ATP8A2: variants seen among roughly 807,000 people sequenced by gnomAD.
The protein encoded by ATP8A2 is phospholipid-transporting ATPase IB.
A neutral mutation model predicts 165.6 loss-of-function variants in ATP8A2; 100 were observed. The observed-to-expected ratio is 0.60, with a 90% CI of 0.51 to 0.71. ATP8A2 has a LOEUF of 0.71. Ranked by LOEUF, ATP8A2 falls within the 30% of genes least tolerant of loss-of-function variation. ATP8A2 has a pLI of 0.00. For missense variants in ATP8A2, 1,227 were observed against 1,479.5 expected (o/e 0.83, Z 2.80); for synonymous variants, 543 against 548.8 (o/e 0.99, Z 0.15).
At chr13:25,844,526 G>T (rs1951816397) in intron 30 of ATP8A2, among the ~76,000 whole-genome samples, 1 of 152,104 alleles carries the variant, frequency 6.6e-6, no homozygotes, top group South Asian at 2.1e-4. Context: ...AATGCACCTG[G>T]CCTTATTACA....
At chr13:25,963,416 GAAAAGA>G (rs201616770) in intron 34 of ATP8A2, among the ~76,000 whole-genome samples, 66 of 148,052 alleles carry the variant, frequency 4.5e-4, no homozygotes, top group Non-Finnish European at 6.6e-4. Flanking sequence ...AAAAAGAAAA[GAAAAGA>G]AAAAGAAAAA....
chr13:26,024,712 C>T lies in ATP8A2; in HGVS notation c.*4727C>T, dbSNP rs1390191629. The T allele has an allele frequency of 5.9e-5, 9 of 152,192 alleles. No individual in the cohort carries two copies. Among genetic ancestry groups the T allele is most frequent in the Non-Finnish European group, 5.9e-5 (4 of 68,040 alleles). The allele number at this position is 152,192 out of a possible 1,614,324, so 9.4% of individuals were successfully genotyped here. A position where few individuals can be genotyped will look rare whatever the true frequency, so the allele number is the denominator to read the frequency against. ...GGGCTCTAGTTGCCTTTGAGATATC[C>T]ACTCTGCTCTTTCTCCCAGGCCTCA... On this transcript the variant is annotated 3_prime_UTR_variant, in exon 37 of 37. Transcript: ENST00000381655.
In ATP8A2 at chr13:25,580,527, C is replaced by CT. The variant is rs948166618; in HGVS notation, c.2007+590dup. Among the ~76,000 whole-genome samples, 26 of 150,030 alleles carry CT rather than the reference C, an allele frequency of 1.7e-4. No homozygotes were observed. In the East Asian group the frequency reaches 2.1e-3, roughly 12 times the overall value. On this transcript the variant is annotated intron_variant, in intron 22 of 36. Coordinates refer to ENST00000381655, the MANE Select transcript of ATP8A2 (RefSeq NM_016529.6). Reference sequence around the variant, plus strand: ...GCCATCCAATTTCCAGTTTCTATAACTTTTTTTTTTAAATATAGAGACAGG... The same window carrying CT: ...GCCATCCAATTTCCAGTTTCTATAACTTTTTTTTTTTAAATATAGAGACAGG...
intron 1 of ATP8A2, among the ~76,000 whole-genome samples, chr13:25,429,453 T>A (rs913948071): frequency 6.6e-6 from 1 of 151,436 alleles, no homozygotes; most frequent in Admixed American, 6.6e-5. Flanking sequence ...TTCTGGGGGA[T>A]TCACCCCATT....
chr13:25,481,962 T>C (rs1209960678), intron 2 of ATP8A2, among the ~76,000 whole-genome samples: 1 of 152,144 alleles, frequency 6.6e-6, no homozygotes, highest in Non-Finnish European at 1.5e-5. Context: ...GGGTTAGGGC[T>C]TCAACATATG....
chr13:25,379,373 T>C (rs1386699926), intron 1 of ATP8A2, among the ~76,000 whole-genome samples: 1 of 152,242 alleles, frequency 6.6e-6, no homozygotes, highest in African/African-American at 2.4e-5. Context: ...TTCTCTATAC[T>C]GACATTTGGA....
chr13:25,529,682 T>A (rs1454744027), intron 2 of ATP8A2, among the ~76,000 whole-genome samples: 2 of 152,184 alleles, frequency 1.3e-5, no homozygotes, highest in Non-Finnish European at 2.9e-5. Flanking sequence ...GAATTGTTAT[T>A]CACACGCCTG....
At chr13:25,640,666 A>T (rs547557700) in intron 24 of ATP8A2, among the ~76,000 whole-genome samples, 1 of 152,332 alleles carries the variant, frequency 6.6e-6, no homozygotes, top group Non-Finnish European at 1.5e-5. Flanking sequence ...GCTGAATTCT[A>T]CCAGAGGTAC....
chr13:25,930,859 C>T (rs1421921115), intron 33 of ATP8A2, among the ~76,000 whole-genome samples: 2 of 152,232 alleles, frequency 1.3e-5, no homozygotes, highest in Non-Finnish European at 2.9e-5. Flanking sequence ...GTCACGCCTC[C>T]TCCACATCCC....
intron 33 of ATP8A2, among the ~76,000 whole-genome samples, chr13:25,892,037 A>T (rs569027030): frequency 6.7e-6 from 1 of 148,864 alleles, no homozygotes; most frequent in African/African-American, 2.5e-5. Flanking sequence ...CCCAGGCTGG[A>T]GTGCAGGGGC....
intron 24 of ATP8A2, among the ~76,000 whole-genome samples, chr13:25,612,435 G>A (rs900422186): frequency 6.6e-6 from 1 of 152,074 alleles, no homozygotes; most frequent in African/African-American, 2.4e-5. Flanking sequence ...CCTTATATTT[G>A]TTTGGTTTTG....
intron 24 of ATP8A2, among the ~76,000 whole-genome samples, chr13:25,682,878 T>C (rs1356740379): frequency 6.6e-6 from 1 of 152,186 alleles, no homozygotes; most frequent in Non-Finnish European, 1.5e-5. Flanking sequence ...AGTTCCCTTC[T>C]GGCTGGTTTC....
chr13:25,643,114 A>G (rs2041577478), intron 24 of ATP8A2, among the ~76,000 whole-genome samples: 1 of 152,204 alleles, frequency 6.6e-6, no homozygotes. Flanking sequence ...CCTAATGTAA[A>G]TGACGAGTTA....
chr13:25,381,642 T>C (rs965549795), intron 1 of ATP8A2, among the ~76,000 whole-genome samples: 9 of 152,196 alleles, frequency 5.9e-5, no homozygotes, highest in African/African-American at 2.2e-4. Context: ...TCTGATAACT[T>C]GTATCAGTGT....
rs2039690712 is a variant in ATP8A2 at position 25,578,819 on chromosome 13, A to G, written c.1787A>G (p.Asn596Ser). The G allele has an allele frequency of 6.4e-7, 1 of 1,563,428 alleles. No homozygotes were observed. Among genetic ancestry groups the G allele is most frequent in the Non-Finnish European group, 8.8e-7 (1 of 1,134,006 alleles). Reference protein sequence around the residue: ...RLRLYCKGADNVIFERLSKDS... With the variant: ...RLRLYCKGADSVIFERLSKDS... ...CAATGTTTCCCTATTTTATAGGATA[A>G]TGTGATTTTTGAGAGACTTTCAAAA... Residue 596 changes from asparagine to serine, a missense_variant, in exon 21 of 37, where the codon AAT (asparagine) becomes AGT (serine). Asn to Ser is a conservative substitution (Grantham distance 46). Transcript: ENST00000381655.
chr13:25,909,220 T>C (rs992403833), intron 33 of ATP8A2, among the ~76,000 whole-genome samples: 2 of 152,146 alleles, frequency 1.3e-5, no homozygotes, highest in African/African-American at 4.8e-5. Context: ...TCTTAGTACC[T>C]GCTACTCTAG....
rs577862740 is a variant in ATP8A2, at chr13:26,019,221, C to G, written c.3470-667C>G. On this transcript the variant is annotated intron_variant, in intron 36 of 36. Coordinates refer to ENST00000381655, the MANE Select transcript of ATP8A2 (RefSeq NM_016529.6). ...CCAGCCTGGCCAACATGGTGAAACC[C>G]CGTCTCTACTAAAAATACAAAAAAA... Among the ~76,000 whole-genome samples the G allele has an allele frequency of 2.2e-3, 333 of 151,776 alleles. 2 individuals are homozygous for G. The South Asian group carries it at 0.026, about 12-fold the overall frequency.
rs566244753 is a variant in ATP8A2, at chr13:25,610,194, C to A, written c.2211+20495C>A. Among the ~76,000 whole-genome samples the A allele has an allele frequency of 3.3e-5, 5 of 152,198 alleles. No homozygotes were observed. The South Asian group carries it at 1.0e-3, about 32-fold the overall frequency. On this transcript the variant is annotated intron_variant, in intron 24 of 36. Coordinates refer to ENST00000381655, the MANE Select transcript of ATP8A2 (RefSeq NM_016529.6). ...TTGGTTACAAAGTCTTTGCCTAAGG[C>A]AATGTCTACAGGGGTTTTTCCAATG...
chr13:25,649,488 A>G (rs1041415979), intron 24 of ATP8A2, among the ~76,000 whole-genome samples: 1 of 152,170 alleles, frequency 6.6e-6, no homozygotes, highest in Non-Finnish European at 1.5e-5. Flanking sequence ...ATAGAAATGC[A>G]TGGTTGAAGT....
Sources: gnomAD v4.1 joint callset for allele counts (sites outside exome capture counted in the v4.1 genomes callset) on GRCh38, gnomAD v4.1.1 for gene constraint, MANE v1.5 for transcripts, NCBI Gene and HGNC (gene_info 2026-07-23, HGNC 2026-07-21) for gene names.